The following RAB6A variants were observed in gnomAD, a reference collection of about 807,000 sequenced individuals.
The protein encoded by RAB6A is RAB6A, member RAS oncogene family.
RAB6A carries 8 observed loss-of-function variants against 32.3 expected under a neutral mutation model. The observed-to-expected ratio is 0.25, with a 90% confidence interval of 0.15 to 0.45. The LOEUF (loss-of-function observed/expected upper bound fraction) is 0.45, where lower values mean the gene tolerates loss of function less well. RAB6A is among the 20% of genes least tolerant of loss of function. RAB6A has a pLI of 1.00. For synonymous variants in RAB6A, 73 were observed against 82.1 expected (o/e 0.89, Z 0.60); for missense variants, 104 against 249.4 (o/e 0.42, Z 3.93).
intron 2 of RAB6A, among the ~76,000 whole-genome samples, chr11:73,726,069 A>T (rs1243272957): frequency 6.6e-6 from 1 of 151,620 alleles, no homozygotes; most frequent in Non-Finnish European, 1.5e-5. Flanking sequence ...GGCAGATCAC[A>T]AGGTCAGGAG....
chr11:73,710,545 T>C (rs1945940022), intron 5 of RAB6A, among the ~76,000 whole-genome samples: 1 of 151,782 alleles, frequency 6.6e-6, no homozygotes, highest in Non-Finnish European at 1.5e-5. Flanking sequence ...AAGACCAGCC[T>C]GGCCAACATG....
chr11:73,747,651 T>C (rs911539388), intron 1 of RAB6A, among the ~76,000 whole-genome samples: 1 of 152,216 alleles, frequency 6.6e-6, no homozygotes, highest in Non-Finnish European at 1.5e-5. Flanking sequence ...CAAGATGTCA[T>C]CCAGGATCCC....
rs75714232 is a variant in RAB6A at position 73,758,341 on chromosome 11, T to C, written c.70+2225A>G. Among the ~76,000 whole-genome samples the C allele has an allele frequency of 3.3e-5, 5 of 150,734 alleles. No homozygotes were observed. In the East Asian group the frequency reaches 7.7e-4, roughly 23 times the overall value. ...ATAAACTATGGACTTAAGTTAATAA[T>C]AACATATCAATATTAGTTCATTAAT... On this transcript the variant is annotated intron_variant, in intron 1 of 7. Transcript: ENST00000336083.
chr11:73,732,295 A>G (rs1282610054), intron 1 of RAB6A, among the ~76,000 whole-genome samples: 1 of 152,100 alleles, frequency 6.6e-6, no homozygotes, highest in Non-Finnish European at 1.5e-5. Flanking sequence ...GATAAGAACC[A>G]TACCTAAAAG....
At chr11:73,738,432 TGA>T (rs1946435589) in intron 1 of RAB6A, among the ~76,000 whole-genome samples, 1 of 152,070 alleles carries the variant, frequency 6.6e-6, no homozygotes. Flanking sequence ...GGAGGATGCT[TGA>T]GGCAAGGAGT....
intron 1 of RAB6A, among the ~76,000 whole-genome samples, chr11:73,757,133 T>C (rs71466366): frequency 1.8e-5 from 1 of 56,334 alleles, no homozygotes; most frequent in Non-Finnish European, 3.4e-5. Context: ...ATATATATTT[T>C]TTTTTTTTTT....
At chr11:73,729,276 C>A (rs1946269930) in intron 2 of RAB6A, among the ~76,000 whole-genome samples, 2 of 152,020 alleles carry the variant, frequency 1.3e-5, no homozygotes, top group Admixed American at 6.5e-5. Flanking sequence ...TTTTTGTATT[C>A]TTAGTAGAGA....
At chr11:73,678,736 T>TGG (rs201191998) in intron 7 of RAB6A, among the ~76,000 whole-genome samples, 2 of 135,308 alleles carry the variant, frequency 1.5e-5, no homozygotes, top group African/African-American at 2.9e-5. Flanking sequence ...TTTTTTTTTT[T>TGG]GGGGGGGGAA....
intron 1 of RAB6A, among the ~76,000 whole-genome samples, chr11:73,753,870 GT>G (rs1464955877): frequency 6.6e-6 from 1 of 152,146 alleles, no homozygotes; most frequent in African/African-American, 2.4e-5. Context: ...TAAGTATTGT[GT>G]ATTTCTTCCC....
In RAB6A at chr11:73,707,417, T is replaced by C. The variant is rs1411415487; in HGVS notation, c.495+3A>G. 9 of 1,604,030 alleles carry C rather than the reference T, an allele frequency of 5.6e-6. No homozygotes were observed. Among genetic ancestry groups the C allele is most frequent in the South Asian group, 4.4e-5 (4 of 90,572 alleles). On this transcript the variant is annotated splice_donor_region_variant and intron_variant, in intron 6 of 7. Coordinates refer to ENST00000336083, the MANE Select transcript of RAB6A (RefSeq NM_198896.2). ...TCAATTTGGTAACCTCAACTCAACT[T>C]ACCTGCTTTACATTGTATCCAGCTT...
intron 6 of RAB6A, among the ~76,000 whole-genome samples, chr11:73,685,885 C>CAATAAAA (rs1945446406): frequency 9.7e-6 from 1 of 103,028 alleles, no homozygotes; most frequent in Non-Finnish European, 1.8e-5. Context: ...AACTCCGTCT[C>CAATAAAA]AAAAAAAAAA....
intron 1 of RAB6A, among the ~76,000 whole-genome samples, chr11:73,755,679 G>A (rs1946737041): frequency 6.6e-6 from 1 of 151,986 alleles, no homozygotes; most frequent in African/African-American, 2.4e-5. Context: ...TGAGGCAGGA[G>A]GAGAGCTTGA....
At chr11:73,720,338 G>A (rs1027507085) in intron 3 of RAB6A, among the ~76,000 whole-genome samples, 3 of 151,576 alleles carry the variant, frequency 2.0e-5, no homozygotes, top group Non-Finnish European at 4.4e-5. Context: ...CCGCCACCAC[G>A]CCTGGCTAAT....
At chr11:73,707,351 C>A in intron 6 of RAB6A, 69 bp downstream of exon 6, 1 of 1,147,612 alleles carries the variant, frequency 8.7e-7, no homozygotes, top group Non-Finnish European at 1.3e-6. Flanking sequence ...GAAACCTATA[C>A]ACCAGAGAAT....
At chr11:73,752,862 T>TA (rs931304268) in intron 1 of RAB6A, among the ~76,000 whole-genome samples, 2 of 149,090 alleles carry the variant, frequency 1.3e-5, no homozygotes, top group African/African-American at 2.5e-5. Flanking sequence ...AAAAAAATAA[T>TA]AAAAAAATGG....
intron 1 of RAB6A, among the ~76,000 whole-genome samples, chr11:73,734,795 A>C (rs1395386284): frequency 6.6e-6 from 1 of 152,184 alleles, no homozygotes; most frequent in Non-Finnish European, 1.5e-5. Context: ...ATCTAGGAGA[A>C]AAAAAACTAA....
chr11:73,721,859 C>A (rs1245111094), intron 2 of RAB6A, among the ~76,000 whole-genome samples: 1 of 152,062 alleles, frequency 6.6e-6, no homozygotes, highest in African/African-American at 2.4e-5. Flanking sequence ...AAAAAACAAT[C>A]AAAAACTAGA....
At chr11:73,690,788 C>T (rs117593351) in intron 6 of RAB6A, among the ~76,000 whole-genome samples, 5,755 of 149,616 alleles carry the variant, frequency 0.038, 152 homozygotes, top group Middle Eastern at 0.073. Flanking sequence ...TGGAAGGGTC[C>T]GGGTATGGGG....
intron 6 of RAB6A, among the ~76,000 whole-genome samples, chr11:73,680,662 TGG>T (rs1011527153): frequency 8.1e-6 from 1 of 124,184 alleles, no homozygotes; most frequent in African/African-American, 3.2e-5. Context: ...GGCGGGGGTG[TGG>T]GGGGGAGAGT....
Sources: allele counts gnomAD v4.1 joint callset (sites outside exome capture counted in the v4.1 genomes callset), GRCh38; gene constraint gnomAD v4.1.1; transcripts MANE v1.5; gene names NCBI Gene and HGNC (gene_info 2026-07-23, HGNC 2026-07-21).